Variants in GRWD1 observed in about 807,000 individuals in gnomAD.
The protein encoded by GRWD1 is glutamate-rich WD repeat-containing protein 1.
In GRWD1, 29 loss-of-function variants were observed where a neutral mutation model predicts 45.3. The observed-to-expected ratio is 0.64, with a 90% CI of 0.48 to 0.87. The LOEUF is 0.87. Ranked by LOEUF, GRWD1 falls within the 40% of genes least tolerant of loss-of-function variation. The pLI is 0.00. For synonymous variants in GRWD1, 262 were observed against 257.6 expected (o/e 1.02, Z -0.16); for missense variants, 592 against 618.8 (o/e 0.96, Z 0.46).
rs1231609087 is a variant in GRWD1 at position 48,446,477 on chromosome 19, C to A, written c.280C>A (p.Gln94Lys). 6.2e-7 allele frequency: 1 copy of A among 1,614,134 alleles called. No individual in the cohort carries two copies. Among genetic ancestry groups the A allele is most frequent in the South Asian group, 1.1e-5 (1 of 91,086 alleles). Reference protein sequence around the residue: ...PLTLYLCAGTQAESAQSNRLM... With the variant: ...PLTLYLCAGTKAESAQSNRLM... ...TACACTTTACTTGTGTGCTGGGACCCAGGCTGAGAGCGCCCAGAGCAACAG... is the reference window on the plus strand; with the variant it reads ...TACACTTTACTTGTGTGCTGGGACCAAGGCTGAGAGCGCCCAGAGCAACAG... Residue 94 changes from glutamine to lysine, a missense_variant, in exon 2 of 7, where the codon CAG becomes AAG. Physicochemically the swap from Gln to Lys is moderately conservative, Grantham distance 53. Transcript: ENST00000253237.
Position 48,450,680 on chromosome 19 carries a change from G to A in GRWD1, c.697G>A (p.Gly233Ser), listed in dbSNP as rs145815703. 3.2e-5 allele frequency: 51 copies of A among 1,613,804 alleles called. No individual in the cohort carries two copies. The highest frequency in any genetic ancestry group is 2.2e-4 in the East Asian group (10 of 44,872). The change falls in exon 5 of 7, where the codon GGT becomes AGT. Residue 233 changes from glycine to serine, a missense_variant. Physicochemically the swap from Gly to Ser is moderately conservative, Grantham distance 56. Transcript: ENST00000253237. This position sits in a 1 kb window ranked among gnomAD's most constrained non-coding sequence, Gnocchi z 5.1. Reference protein sequence around the residue: ...SPRVTGRLLTGDCQKNIHLWT... With the variant: ...SPRVTGRLLTSDCQKNIHLWT... The stretch of plus-strand genomic sequence containing the variant: ...CCCTTCCCCAGGTCGCCTGCTGACC[G>A]GTGACTGTCAAAAGAACATCCACCT...
At position 48,453,312 on chromosome 19, in the gene GRWD1, A is replaced by AT. The variant is rs1192401007; in HGVS notation, c.*290dup. 1 of 345,476 alleles carries AT rather than the reference A, an allele frequency of 2.9e-6. No individual in the cohort carries two copies. Among genetic ancestry groups the AT allele is most frequent in the Non-Finnish European group, 5.3e-6 (1 of 190,452 alleles). The allele number at this position is 345,476 out of a possible 1,614,324, so 21.4% of individuals were successfully genotyped here. The stretch of plus-strand genomic sequence containing the variant: ...GATTCCTTCCTGTCAGCTGTGACCC[A>AT]TTTGACCTGTGTCCCCAGAACCCAG... On this transcript the variant is annotated 3_prime_UTR_variant, in exon 7 of 7. Coordinates refer to ENST00000253237, the MANE Select transcript of GRWD1 (RefSeq NM_031485.4).
In GRWD1 at chr19:48,454,743, A is replaced by ACCC. The variant is rs1448306682; in HGVS notation, c.*1721_*1723dup. The ACCC allele has an allele frequency of 2.0e-5, 3 of 149,330 alleles. No homozygotes were observed. Among genetic ancestry groups the ACCC allele is most frequent in the African/African-American group, 7.4e-5 (3 of 40,296 alleles). 9.3% of individuals were successfully genotyped at this position (149,330 alleles called of 1,614,324 possible). A position where few individuals can be genotyped will look rare whatever the true frequency, so the allele number is the denominator to read the frequency against. On this transcript the variant is annotated 3_prime_UTR_variant, in exon 7 of 7. Coordinates refer to ENST00000253237, the MANE Select transcript of GRWD1 (RefSeq NM_031485.4). Reference sequence around the variant, plus strand: ...GACAGGCTCAGCGCCAGGAGAATCCACCCCCAGGTTCAGTGCCTCCAACTC... The same window carrying ACCC: ...GACAGGCTCAGCGCCAGGAGAATCCACCCCCCCCAGGTTCAGTGCCTCCAACTC...
chr19:48,450,306 T>G lies in GRWD1; in HGVS notation c.469-7T>G. ...CACATCACCCTTCCCCCACCGCTCT[T>G]CTGCAGGTGTCATGGCTGGGTGAAG... On this transcript the variant is annotated splice_polypyrimidine_tract_variant and splice_region_variant and intron_variant, in intron 3 of 6. Transcript: ENST00000253237. The surrounding 1 kb of genome is among the most constrained non-coding windows in gnomAD (Gnocchi z 5.1). 6.2e-7 allele frequency: 1 copy of G among 1,608,314 alleles called. No individual in the cohort carries two copies. The highest frequency in any genetic ancestry group is 8.5e-7 in the Non-Finnish European group (1 of 1,177,866).
chr19:48,451,125 C>T lies in GRWD1; in HGVS notation c.917C>T (p.Ala306Val), dbSNP rs1289193110. 1 of 1,614,140 alleles carries T rather than the reference C, an allele frequency of 6.2e-7. No individual in the cohort carries two copies. Among genetic ancestry groups the T allele is most frequent in the Admixed American group, 1.7e-5 (1 of 60,018 alleles). Reference sequence around the variant, plus strand: ...GCCTGCATGCTCACCACAGCCACCGCCCATGATGGGGACGTCAATGTCATC... The same window carrying T: ...GCCTGCATGCTCACCACAGCCACCGTCCATGATGGGGACGTCAATGTCATC... Reference protein sequence around the residue: ...SKACMLTTATAHDGDVNVISW... With the variant: ...SKACMLTTATVHDGDVNVISW... The change falls in exon 6 of 7, where the codon GCC becomes GTC. Residue 306 changes from alanine (A) to valine (V), a missense_variant. Coordinates refer to ENST00000253237, the MANE Select transcript of GRWD1 (RefSeq NM_031485.4).
At position 48,455,283 on chromosome 19, in the gene GRWD1, C is replaced by G. The variant is rs973098981; in HGVS notation, c.*2258C>G. On this transcript the variant is annotated 3_prime_UTR_variant, in exon 7 of 7. Transcript: ENST00000253237. The stretch of plus-strand genomic sequence containing the variant: ...CCTATCTCTGCATCTCTTTGTCTTT[C>G]TGTAGTCTCTGCTTTCCAACCTGCT... 3 of 152,376 alleles carry G rather than the reference C, an allele frequency of 2.0e-5. No homozygotes were observed. Among genetic ancestry groups the G allele is most frequent in the African/African-American group, 7.2e-5 (3 of 41,422 alleles). 9.4% of individuals were successfully genotyped at this position (152,376 alleles called of 1,614,324 possible).
rs967666269 is a variant in GRWD1, at chr19:48,456,351, T to G, written c.*3326T>G. 6.6e-6 allele frequency: 1 copy of G among 152,314 alleles called. No homozygotes were observed. Among genetic ancestry groups the G allele is most frequent in the Non-Finnish European group, 1.5e-5 (1 of 68,118 alleles). 9.4% of individuals were successfully genotyped at this position (152,314 alleles called of 1,614,324 possible). A position where few individuals can be genotyped will look rare whatever the true frequency, so the allele number is the denominator to read the frequency against. On this transcript the variant is annotated 3_prime_UTR_variant, in exon 7 of 7. Transcript: ENST00000253237. Reference sequence around the variant, plus strand: ...TGGGCAACGAGCCTATTTCCCCTTTTTGGGAGAACAGTCTCTAACATGCAG... The same window carrying G: ...TGGGCAACGAGCCTATTTCCCCTTTGTGGGAGAACAGTCTCTAACATGCAG...
intron 2 of GRWD1, 25 bp downstream of exon 2, chr19:48,446,527 C>G: frequency 6.2e-7 from 1 of 1,605,296 alleles, no homozygotes; most frequent in Non-Finnish European, 8.5e-7. Flanking sequence ...TTTTCCAGGA[C>G]CAGGAGGCTC....
rs1569077390 is a variant in GRWD1, at chr19:48,446,480, G to A, written c.283G>A (p.Ala95Thr). 6.2e-7 allele frequency: 1 copy of A among 1,614,108 alleles called. No homozygotes were observed. ...LTLYLCAGTQ[A>T]ESAQSNRLMM... is the part of the protein sequence containing the mutation. ...ACTTTACTTGTGTGCTGGGACCCAGGCTGAGAGCGCCCAGAGCAACAGGTA... is the reference window on the plus strand; with the variant it reads ...ACTTTACTTGTGTGCTGGGACCCAGACTGAGAGCGCCCAGAGCAACAGGTA... The change falls in exon 2 of 7, where the codon GCT (alanine) becomes ACT (threonine). Residue 95 changes from alanine to threonine, a missense_variant. By Grantham distance (58) the Ala-to-Thr change is moderately conservative. Coordinates refer to ENST00000253237, the MANE Select transcript of GRWD1 (RefSeq NM_031485.4).
In GRWD1 at chr19:48,450,542, G is replaced by A; in HGVS notation, c.682+16G>A. On this transcript the variant is annotated intron_variant, in intron 4 of 6. Transcript: ENST00000253237. This position sits in a 1 kb window ranked among gnomAD's most constrained non-coding sequence, Gnocchi z 5.1. ...CGGGTGACCGGTGAGTCCCTGGGGT[G>A]TTCAGGAGTCCCGGGAGGTCGGGGG... 1 of 1,613,266 alleles carries A rather than the reference G, an allele frequency of 6.2e-7. No individual in the cohort carries two copies. Among genetic ancestry groups the A allele is most frequent in the Non-Finnish European group, 8.5e-7 (1 of 1,179,398 alleles).
chr19:48,453,550 C>CT lies in GRWD1; in HGVS notation c.*526dup, dbSNP rs1971499865. Reference sequence around the variant, plus strand: ...ACGGGGTTTCACCATGTTGGCCAGGCTGGTCTCAAATTCTTGATCTCAAGT... The same window carrying CT: ...ACGGGGTTTCACCATGTTGGCCAGGCTTGGTCTCAAATTCTTGATCTCAAGT... On this transcript the variant is annotated 3_prime_UTR_variant, in exon 7 of 7. Coordinates refer to ENST00000253237, the MANE Select transcript of GRWD1 (RefSeq NM_031485.4). 1 of 152,816 alleles carries CT rather than the reference C, an allele frequency of 6.5e-6. No individual in the cohort carries two copies. Among genetic ancestry groups the CT allele is most frequent in the Non-Finnish European group, 1.5e-5 (1 of 68,550 alleles). 9.5% of individuals were successfully genotyped at this position (152,816 alleles called of 1,614,324 possible).
intron 6 of GRWD1, among the ~76,000 whole-genome samples, chr19:48,451,528 G>A (rs549849683): frequency 2.6e-5 from 4 of 152,310 alleles, no homozygotes; most frequent in African/African-American, 9.6e-5. Context: ...AAGTACAGGT[G>A]TCTGTACGGC....
rs200615958 is a variant in GRWD1 at position 48,450,429 on chromosome 19, C to G, written c.585C>G (p.Ala195=). The change falls in exon 4 of 7, where the codon GCC becomes GCG. Residue 195 remains alanine, a synonymous_variant. Transcript: ENST00000253237. The surrounding 1 kb of genome is among the most constrained non-coding windows in gnomAD (Gnocchi z 5.1). Reference sequence around the variant, plus strand: ...TGGAGGAGCCCCAGGCCCTGGCAGCCTTCCTCCGGGATGAGCAGGCCCAAA... The same window carrying G: ...TGGAGGAGCCCCAGGCCCTGGCAGCGTTCCTCCGGGATGAGCAGGCCCAAA... The part of the protein sequence containing the change: ...QVVEEPQALA[A]FLRDEQAQMK... 2 of 1,614,106 alleles carry G rather than the reference C, an allele frequency of 1.2e-6. No homozygotes were observed. The highest frequency in any genetic ancestry group is 1.3e-5 in the African/African-American group (1 of 75,050).
In GRWD1 at chr19:48,450,991, G is replaced by C. The variant is rs537235303; in HGVS notation, c.826-43G>C. The C allele has an allele frequency of 6.3e-7, 1 of 1,585,980 alleles. No homozygotes were observed. Among genetic ancestry groups the C allele is most frequent in the African/African-American group, 1.3e-5 (1 of 74,304 alleles). Reference sequence around the variant, plus strand: ...ACCGCTGGCGCTTGGGCTTCACTGCGGGCTGGGGGGCATTGGGACCACTCA... The same window carrying C: ...ACCGCTGGCGCTTGGGCTTCACTGCCGGCTGGGGGGCATTGGGACCACTCA... On this transcript the variant is annotated intron_variant, in intron 5 of 6. Transcript: ENST00000253237. This position sits in a 1 kb window ranked among gnomAD's most constrained non-coding sequence, Gnocchi z 5.1.
At position 48,446,210 on chromosome 19, in the gene GRWD1, C is replaced by A. The variant is rs765159795; in HGVS notation, c.187+18C>A. ...GCAGACTGGTAGGGCTGAGTCCGGA[C>A]TCCAGGGTCCTGAGGTGGCTGATCC... On this transcript the variant is annotated intron_variant, in intron 1 of 6. Coordinates refer to ENST00000253237, the MANE Select transcript of GRWD1 (RefSeq NM_031485.4). 3 of 1,588,252 alleles carry A rather than the reference C, an allele frequency of 1.9e-6. No individual in the cohort carries two copies. The highest frequency in any genetic ancestry group is 2.3e-5 in the South Asian group (2 of 88,384).
chr19:48,451,414 G>A (rs370050637), intron 6 of GRWD1, among the ~76,000 whole-genome samples, 183 bp downstream of exon 6: 7 of 152,218 alleles, frequency 4.6e-5, no homozygotes, highest in Admixed American at 2.0e-4. Context: ...GAAGGGTGGC[G>A]GGTCTCCACT....
Position 48,446,435 on chromosome 19 carries a change from C to A in GRWD1, c.238C>A (p.Arg80=), listed in dbSNP as rs1193297764. 3.7e-6 allele frequency: 6 copies of A among 1,614,172 alleles called. No individual in the cohort carries two copies. The highest frequency in any genetic ancestry group is 5.1e-6 in the Non-Finnish European group (6 of 1,180,036). ...AGTCCGGGATCACCTGGGAGACAACCGGACAGAGCTTCCTCTTACACTTTA... is the reference window on the plus strand; with the variant it reads ...AGTCCGGGATCACCTGGGAGACAACAGGACAGAGCTTCCTCTTACACTTTA... The part of the protein sequence containing the change: ...DIVRDHLGDN[R]TELPLTLYLC... Residue 80 remains arginine, a synonymous_variant, in exon 2 of 7, where the codon CGG becomes AGG. Coordinates refer to ENST00000253237, the MANE Select transcript of GRWD1 (RefSeq NM_031485.4).
intron 1 of GRWD1, 34 bp downstream of exon 1, chr19:48,446,226 T>C: frequency 6.3e-7 from 1 of 1,580,776 alleles, no homozygotes; most frequent in South Asian, 1.1e-5. Context: ...GGTCCTGAGG[T>C]GGCTGATCCC....
chr19:48,452,570 C>T lies in GRWD1; in HGVS notation c.1024-138C>T. On this transcript the variant is annotated intron_variant, in intron 6 of 6. Transcript: ENST00000253237. This position sits in a 1 kb window ranked among gnomAD's most constrained non-coding sequence, Gnocchi z 5.1. ...AATTACCCTGTGTCCCTTTCCTGGA[C>T]TCTGGGCTTGTGAGGGCTTAAGGGG... is the stretch of plus-strand genomic sequence containing the variant. 1 of 706,636 alleles carries T rather than the reference C, an allele frequency of 1.4e-6. No individual in the cohort carries two copies. Among genetic ancestry groups the T allele is most frequent in the Non-Finnish European group, 2.4e-6 (1 of 423,408 alleles). 43.8% of individuals were successfully genotyped at this position (706,636 alleles called of 1,614,324 possible).
Sources: allele counts gnomAD v4.1 joint callset (sites outside exome capture counted in the v4.1 genomes callset), GRCh38; gene constraint gnomAD v4.1.1; non-coding constraint Gnocchi (gnomAD v3.1); transcripts MANE v1.5; gene names NCBI Gene and HGNC (gene_info 2026-07-23, HGNC 2026-07-21).